The following STPG1 variants were observed in gnomAD, a reference collection of about 807,000 sequenced individuals.
STPG1 encodes the protein O(6)-methylguanine-induced apoptosis 2.
A neutral mutation model predicts 40.1 loss-of-function variants in STPG1; 33 were observed. The ratio of observed to expected loss-of-function variants is 0.82; its 90% confidence interval spans 0.62 to 1.10. The LOEUF is 1.10. Ranked by LOEUF, STPG1 falls within the 50% of genes least tolerant of loss-of-function variation. The pLI, the probability that STPG1 is intolerant of heterozygous loss-of-function variation, is 0.00. For synonymous variants in STPG1, 150 were observed against 155.0 expected (o/e 0.97, Z 0.24); for missense variants, 396 against 415.1 (o/e 0.95, Z 0.40).
At chr1:24,371,953 G>C (rs570824966) in intron 6 of STPG1, among the ~76,000 whole-genome samples, 21 of 152,100 alleles carry the variant, frequency 1.4e-4, no homozygotes, top group Non-Finnish European at 2.8e-4. Flanking sequence ...CGAGGCAGAC[G>C]GATCACTTGA....
chr1:24,376,138 A>G (rs1642013012), intron 5 of STPG1, among the ~76,000 whole-genome samples: 1 of 152,214 alleles, frequency 6.6e-6, no homozygotes, highest in South Asian at 2.1e-4. Flanking sequence ...CTCTTGCCTC[A>G]GCCTCCCGAG....
At chr1:24,411,738 C>T (rs1376131244) in intron 1 of STPG1, 1 of 150,936 alleles carries the variant, frequency 6.6e-6, no homozygotes, top group South Asian at 2.1e-4. Flanking sequence ...CCGTGCCTTA[C>T]CTGGTTGGGT....
rs115119315 is a variant in STPG1, at chr1:24,411,120, G to A, written c.-69+2554C>T. Among the ~76,000 whole-genome samples the A allele has an allele frequency of 9.1e-3, 1,378 of 152,264 alleles. 27 individuals are homozygous for A. Among genetic ancestry groups the A allele is most frequent in the African/African-American group, 0.032 (1,345 of 41,534 alleles). ...GTTTTAATATACGCACAGGGATATC[G>A]TATTAACAACTTAAAATAATAGCTA... On this transcript the variant is annotated intron_variant, in intron 1 of 8. Coordinates refer to ENST00000337248, the MANE Select transcript of STPG1 (RefSeq NM_001199013.2).
At chr1:24,378,024 CTCCTCA>C (rs1642108278) in intron 5 of STPG1, among the ~76,000 whole-genome samples, 1 of 151,632 alleles carries the variant, frequency 6.6e-6, no homozygotes, top group Admixed American at 6.6e-5. Context: ...CCTCCTCCTC[CTCCTCA>C]TCATTTTCAG....
chr1:24,396,134 A>G (rs963904397), intron 2 of STPG1, among the ~76,000 whole-genome samples: 1 of 152,236 alleles, frequency 6.6e-6, no homozygotes, highest in Non-Finnish European at 1.5e-5. Flanking sequence ...CTATATGTGA[A>G]GTGTTATAAT....
At chr1:24,398,592 G>A (rs369112615) in intron 2 of STPG1, among the ~76,000 whole-genome samples, 1 of 152,012 alleles carries the variant, frequency 6.6e-6, no homozygotes, top group South Asian at 2.1e-4. Context: ...TTGTGTATGG[G>A]GAAATTGCAA....
At chr1:24,377,368 A>G (rs1444409477) in intron 5 of STPG1, among the ~76,000 whole-genome samples, 1 of 152,096 alleles carries the variant, frequency 6.6e-6, no homozygotes, top group African/African-American at 2.4e-5. Flanking sequence ...CCCTGTGTGA[A>G]TTGGCCGGTG....
upstream of STPG1, chr1:24,413,879 C>T (rs1199475379): frequency 1.3e-5 from 2 of 152,142 alleles, no homozygotes; most frequent in South Asian, 2.1e-4. Context: ...AATTTTAGGG[C>T]TTAGGTTAAT....
Position 24,361,164 on chromosome 1 carries a change from G to A in STPG1, c.738-123C>T, listed in dbSNP as rs75509295. The stretch of plus-strand genomic sequence containing the variant: ...CTGGAAGAGGACTGGTCACGGCACT[G>A]GGGCAGAGCCCTAGCTCCACTGGTA... On this transcript the variant is annotated intron_variant, in intron 7 of 8. Transcript: ENST00000337248. The A allele has an allele frequency of 2.0e-3, 1,602 of 816,566 alleles. 22 individuals are homozygous for A. The African/African-American group carries it at 0.025, about 13-fold the overall frequency. The allele number at this position is 816,566 out of a possible 1,614,324, so 50.6% of individuals were successfully genotyped here.
chr1:24,414,648 C>G (rs1434211052), upstream of STPG1: 1 of 151,318 alleles, frequency 6.6e-6, no homozygotes, highest in African/African-American at 2.4e-5. Flanking sequence ...GATCCTCCCG[C>G]CTCAGCCTCC....
intron 3 of STPG1, 107 bp from the exon 4 acceptor site, chr1:24,384,110 A>G: frequency 1.5e-6 from 1 of 684,762 alleles, no homozygotes; most frequent in Non-Finnish European, 2.6e-6. Context: ...CCCACAGCAC[A>G]GGCGCTACCA....
chr1:24,367,738 T>G (rs533689839), intron 7 of STPG1, among the ~76,000 whole-genome samples: 7 of 152,324 alleles, frequency 4.6e-5, no homozygotes, highest in African/African-American at 1.7e-4. Context: ...GGTCTCAAAC[T>G]CCTAGCCTCA....
chr1:24,391,364 C>T, intron 3 of STPG1, 197 bp downstream of exon 3: 2 of 392,382 alleles, frequency 5.1e-6, no homozygotes, highest in East Asian at 3.9e-5. Flanking sequence ...GTTGTTTTTC[C>T]CTGGATGTCC....
chr1:24,376,561 G>A (rs552841950), intron 5 of STPG1, among the ~76,000 whole-genome samples: 62 of 152,312 alleles, frequency 4.1e-4, no homozygotes, highest in African/African-American at 1.5e-3. Flanking sequence ...CATACTACTG[G>A]AAAGTTATTC....
At chr1:24,408,877 A>G (rs1643509224) in intron 1 of STPG1, among the ~76,000 whole-genome samples, 1 of 152,154 alleles carries the variant, frequency 6.6e-6, no homozygotes. Context: ...ATTTTTCCTT[A>G]CTTTATTCTG....
chr1:24,380,581 C>T (rs1642237932), intron 4 of STPG1, among the ~76,000 whole-genome samples: 1 of 152,196 alleles, frequency 6.6e-6, no homozygotes. Flanking sequence ...TGGATTTTCT[C>T]ACTTGATAGG....
chr1:24,384,273 A>G (rs1028068896), intron 3 of STPG1, among the ~76,000 whole-genome samples: 1 of 152,196 alleles, frequency 6.6e-6, no homozygotes, highest in Non-Finnish European at 1.5e-5. Flanking sequence ...AAAAGAACAC[A>G]GTTGTTTTTT....
chr1:24,371,256 A>C (rs1199878715), intron 6 of STPG1, among the ~76,000 whole-genome samples: 1 of 152,182 alleles, frequency 6.6e-6, no homozygotes, highest in Admixed American at 6.5e-5. Context: ...TTTATTTAAA[A>C]TGATGTTCCG....
rs1169158359 is a variant in STPG1, at chr1:24,357,690, C to G, written c.*853G>C. 6.0e-6 allele frequency: 1 copy of G among 165,662 alleles called. No homozygotes were observed. The highest frequency in any genetic ancestry group is 1.7e-4 in the East Asian group (1 of 5,810). The allele number at this position is 165,662 out of a possible 1,614,324, so 10.3% of individuals were successfully genotyped here. The stretch of plus-strand genomic sequence containing the variant: ...GCCTGCTGGGAGATCAGAAAAGGAG[C>G]CTGGCAGCTCCCCACCCACCGCGAA... On this transcript the variant is annotated 3_prime_UTR_variant, in exon 9 of 9. Coordinates refer to ENST00000337248, the MANE Select transcript of STPG1 (RefSeq NM_001199013.2).
Sources: allele counts gnomAD v4.1 joint callset (sites outside exome capture counted in the v4.1 genomes callset), GRCh38; gene constraint gnomAD v4.1.1; transcripts MANE v1.5; gene names NCBI Gene and HGNC (gene_info 2026-07-23, HGNC 2026-07-21).